KALRN: variants seen among roughly 807,000 people sequenced by gnomAD.
KALRN encodes kalirin.
KALRN carries 70 observed loss-of-function variants against 353.7 expected under a neutral mutation model. The observed-to-expected ratio is 0.20, with a 90% CI of 0.16 to 0.24. The LOEUF is 0.24. KALRN is among the 10% of genes least tolerant of loss of function. KALRN has a pLI of 1.00. For missense variants in KALRN, 2,791 were observed against 3,756.7 expected (o/e 0.74, Z 6.72); for synonymous variants, 1,391 against 1,434.8 (o/e 0.97, Z 0.69).
intron 11 of KALRN, among the ~76,000 whole-genome samples, chr3:124,389,800 A>G (rs972937036): frequency 6.6e-6 from 1 of 152,244 alleles, no homozygotes; most frequent in African/African-American, 2.4e-5. Flanking sequence ...AAATATGCCA[A>G]GAATTTAAGA....
At chr3:124,088,855 GT>G (rs978773408) in intron 1 of KALRN, among the ~76,000 whole-genome samples, 11 of 149,756 alleles carry the variant, frequency 7.3e-5, no homozygotes, top group South Asian at 2.1e-4. Flanking sequence ...TTCGCAACTA[GT>G]TTTTTTTTTC....
chr3:124,484,250 G>C (rs2062303380), intron 28 of KALRN, among the ~76,000 whole-genome samples: 1 of 152,222 alleles, frequency 6.6e-6, no homozygotes, highest in Admixed American at 6.5e-5. Flanking sequence ...TATGAGAGGC[G>C]TGAGGGCAGC....
chr3:124,284,259 C>A (rs931571245), intron 5 of KALRN, among the ~76,000 whole-genome samples: 1 of 152,216 alleles, frequency 6.6e-6, no homozygotes, highest in Non-Finnish European at 1.5e-5. Context: ...AGCTATCACT[C>A]CCCTCCAGTG....
intron 37 of KALRN, among the ~76,000 whole-genome samples, chr3:124,647,500 C>T (rs1660030): frequency 0.24 from 35,779 of 152,040 alleles, 4,534 homozygotes; most frequent in East Asian, 0.47. Context: ...TGAAAGTCTC[C>T]TATTTATCCA....
chr3:124,388,676 T>G (rs1239056316), intron 11 of KALRN, among the ~76,000 whole-genome samples: 1 of 152,160 alleles, frequency 6.6e-6, no homozygotes, highest in Non-Finnish European at 1.5e-5. Flanking sequence ...CTCCAGATAT[T>G]GTAAATAAGA....
intron 32 of KALRN, among the ~76,000 whole-genome samples, chr3:124,494,969 C>A (rs931781160): frequency 6.6e-6 from 1 of 152,228 alleles, no homozygotes; most frequent in African/African-American, 2.4e-5. Flanking sequence ...AACTCCACAT[C>A]TCCCCCAGCT....
intron 2 of KALRN, 152 bp downstream of exon 2, chr3:124,228,216 G>T: frequency 1.4e-6 from 1 of 725,896 alleles, no homozygotes; most frequent in Non-Finnish European, 2.5e-6. Context: ...AGGCAGATGG[G>T]GAGGGAGAAA....
intron 54 of KALRN, among the ~76,000 whole-genome samples, chr3:124,696,559 C>A (rs2062062918): frequency 6.6e-6 from 1 of 152,062 alleles, no homozygotes; most frequent in African/African-American, 2.4e-5. Flanking sequence ...TTAAAAAATT[C>A]AAATAGAGAC....
chr3:124,292,853 C>T (rs1204881594), intron 5 of KALRN, among the ~76,000 whole-genome samples: 1 of 152,160 alleles, frequency 6.6e-6, no homozygotes, highest in Non-Finnish European at 1.5e-5. Flanking sequence ...AAAGCATTTT[C>T]ATAGCCATCA....
intron 9 of KALRN, among the ~76,000 whole-genome samples, chr3:124,344,559 CAA>C (rs781565169): frequency 6.6e-6 from 1 of 152,222 alleles, no homozygotes; most frequent in Non-Finnish European, 1.5e-5. Flanking sequence ...TATCTAGCCT[CAA>C]ATACTTTTTC....
intron 33 of KALRN, among the ~76,000 whole-genome samples, chr3:124,561,169 C>T (rs1438031599): frequency 6.6e-6 from 1 of 152,160 alleles, no homozygotes; most frequent in East Asian, 1.9e-4. Flanking sequence ...TGAGGTGTTT[C>T]CATCCCACAA....
intron 29 of KALRN, among the ~76,000 whole-genome samples, chr3:124,489,425 T>C (rs1313623491): frequency 6.6e-6 from 1 of 152,178 alleles, no homozygotes; most frequent in Non-Finnish European, 1.5e-5. Flanking sequence ...CTGGACTCCA[T>C]CCTACTCCGC....
At chr3:124,558,339 A>G (rs2071536118) in intron 33 of KALRN, among the ~76,000 whole-genome samples, 1 of 151,922 alleles carries the variant, frequency 6.6e-6, no homozygotes, top group South Asian at 2.1e-4. Context: ...GTGCAATGGC[A>G]TGATCTCGGC....
At chr3:124,472,246 C>A (rs1272286567) in intron 25 of KALRN, among the ~76,000 whole-genome samples, 1 of 152,136 alleles carries the variant, frequency 6.6e-6, no homozygotes, top group Admixed American at 6.5e-5. Flanking sequence ...AGTGACCAGG[C>A]CAATTATCCT....
intron 10 of KALRN, 26 bp downstream of exon 10, chr3:124,347,291 T>TGA: frequency 7.3e-7 from 1 of 1,373,004 alleles, no homozygotes; most frequent in Non-Finnish European, 1.0e-6. Flanking sequence ...TGTGTGTGTG[T>TGA]GTGTGTGTGT....
intron 33 of KALRN, among the ~76,000 whole-genome samples, chr3:124,529,085 C>T (rs527821253): frequency 6.6e-6 from 1 of 152,150 alleles, no homozygotes; most frequent in South Asian, 2.1e-4. Flanking sequence ...TTATAAAATT[C>T]GTGTCAAATC....
chr3:124,702,193 G>T, intron 57 of KALRN, 77 bp downstream of exon 57: 1 of 863,296 alleles, frequency 1.2e-6, no homozygotes, highest in South Asian at 1.8e-5. Context: ...TTTTGTTGTT[G>T]TCATTGTTTA....
chr3:124,352,009 G>A (rs76318981), intron 10 of KALRN, among the ~76,000 whole-genome samples: 3,546 of 152,274 alleles, frequency 0.023, 144 homozygotes, highest in African/African-American at 0.081. Context: ...GGGAATCTGT[G>A]TCTACAGTTT....
rs141669436 is a variant in KALRN at position 124,290,193 on chromosome 3, A to G, written c.970-8598A>G. 1.1e-3 allele frequency among the ~76,000 whole-genome samples: 164 copies of G among 152,278 alleles called. 3 individuals are homozygous for G. In the East Asian group the frequency reaches 0.03, roughly 28 times the overall value. On this transcript the variant is annotated intron_variant, in intron 5 of 59. Coordinates refer to ENST00000682506, the MANE Select transcript of KALRN (RefSeq NM_001388419.1). ...CCAGAGAAAATGTTTACAAGTCTAG[A>G]GACTTGTGAAAGCAGGAAGAGACAC...
Sources: allele counts gnomAD v4.1 joint callset (sites outside exome capture counted in the v4.1 genomes callset), GRCh38; gene constraint gnomAD v4.1.1; transcripts MANE v1.5; gene names NCBI Gene and HGNC (gene_info 2026-07-23, HGNC 2026-07-21).